The following DENND1B variants were observed in gnomAD, a reference collection of about 807,000 sequenced individuals.
DENND1B encodes the protein DENN domain-containing protein 1B.
Under a neutral mutation model 90.1 loss-of-function variants are expected in DENND1B, and 59 were observed. The observed-to-expected ratio is 0.65, with a 90% CI of 0.53 to 0.81. DENND1B has a LOEUF of 0.81. DENND1B is among the 40% of genes least tolerant of loss of function. The pLI, the probability that DENND1B is intolerant of heterozygous loss-of-function variation, is 0.00. For synonymous variants in DENND1B, 337 were observed against 324.6 expected (o/e 1.04, Z -0.41); for missense variants, 862 against 912.6 (o/e 0.94, Z 0.71).
chr1:197,620,159 C>T (rs1678023818), intron 10 of DENND1B, among the ~76,000 whole-genome samples: 1 of 151,044 alleles, frequency 6.6e-6, no homozygotes, highest in South Asian at 2.1e-4. Context: ...GATAATCCTC[C>T]ATATTCACCT....
At chr1:197,732,175 T>C (rs1285620255) in intron 2 of DENND1B, among the ~76,000 whole-genome samples, 1 of 152,162 alleles carries the variant, frequency 6.6e-6, no homozygotes, top group Non-Finnish European at 1.5e-5. Flanking sequence ...TGTAATGCCA[T>C]CCTTCTATAC....
At chr1:197,626,607 A>G (rs1294311520) in intron 10 of DENND1B, among the ~76,000 whole-genome samples, 1 of 152,126 alleles carries the variant, frequency 6.6e-6, no homozygotes, top group Non-Finnish European at 1.5e-5. Flanking sequence ...TAACATCACA[A>G]TTAAAAGAAC....
chr1:197,638,988 G>GA (rs1680038155), intron 10 of DENND1B, among the ~76,000 whole-genome samples: 1 of 151,498 alleles, frequency 6.6e-6, no homozygotes, highest in Admixed American at 6.6e-5. Context: ...TTAGAATGTT[G>GA]AAAACATAAC....
At chr1:197,726,067 C>T (rs1156492005) in intron 2 of DENND1B, among the ~76,000 whole-genome samples, 2 of 151,514 alleles carry the variant, frequency 1.3e-5, no homozygotes, top group African/African-American at 4.9e-5. Flanking sequence ...TATATATAGA[C>T]AATTTGTGGT....
chr1:197,598,902 A>T (rs1675949120), intron 13 of DENND1B, among the ~76,000 whole-genome samples: 1 of 151,848 alleles, frequency 6.6e-6, no homozygotes, highest in Non-Finnish European at 1.5e-5. Flanking sequence ...AAGTTAAACA[A>T]TGAAAAGAAA....
chr1:197,544,226 A>G (rs968232078), intron 18 of DENND1B, among the ~76,000 whole-genome samples: 1 of 152,196 alleles, frequency 6.6e-6, no homozygotes, highest in African/African-American at 2.4e-5. Flanking sequence ...ACGGTTCAGA[A>G]AAATTTTTTC....
intron 3 of DENND1B, among the ~76,000 whole-genome samples, chr1:197,679,603 A>C (rs1656447743): frequency 6.6e-6 from 1 of 150,524 alleles, no homozygotes; most frequent in Non-Finnish European, 1.5e-5. Context: ...CCATGTATTT[A>C]TGTACTTACA....
At chr1:197,677,619 T>C (rs1656227925) in intron 3 of DENND1B, among the ~76,000 whole-genome samples, 1 of 152,116 alleles carries the variant, frequency 6.6e-6, no homozygotes, top group African/African-American at 2.4e-5. Flanking sequence ...TGAAGAGGTT[T>C]TAGAATCACT....
At chr1:197,676,265 A>G (rs1323004132) in intron 3 of DENND1B, among the ~76,000 whole-genome samples, 4 of 152,092 alleles carry the variant, frequency 2.6e-5, no homozygotes, top group African/African-American at 9.7e-5. Context: ...GTGTAAAAAG[A>G]AAAGAGAGAG....
At chr1:197,735,396 G>T in intron 2 of DENND1B, 2 of 1,403,058 alleles carry the variant, frequency 1.4e-6, no homozygotes, top group Non-Finnish European at 1.9e-6. Flanking sequence ...AAAAGTCCAA[G>T]ACCTCAGAGA....
At chr1:197,597,712 C>T (rs1421399) in intron 13 of DENND1B, among the ~76,000 whole-genome samples, 45,607 of 151,524 alleles carry the variant, frequency 0.3, 7,096 homozygotes, top group Middle Eastern at 0.43. Context: ...AAATATGCAG[C>T]CTTCACTTCC....
intron 10 of DENND1B, among the ~76,000 whole-genome samples, chr1:197,617,974 T>C (rs916056116): frequency 2.0e-5 from 3 of 151,112 alleles, no homozygotes; most frequent in Non-Finnish European, 4.5e-5. Flanking sequence ...TTGGGAATCA[T>C]GTAGATAGTT....
At chr1:197,737,874 A>G (rs1273151825) in intron 2 of DENND1B, among the ~76,000 whole-genome samples, 1 of 152,198 alleles carries the variant, frequency 6.6e-6, no homozygotes, top group Non-Finnish European at 1.5e-5. Context: ...GTGTTTTCCA[A>G]TCACCTTGAG....
chr1:197,578,937 T>A (rs74392006), intron 15 of DENND1B, among the ~76,000 whole-genome samples: 1 of 152,078 alleles, frequency 6.6e-6, no homozygotes, highest in Non-Finnish European at 1.5e-5. Context: ...CTAATTTTTG[T>A]ATTTTTTGTA....
At chr1:197,703,317 AAAAG>A (rs1202459371) in intron 3 of DENND1B, among the ~76,000 whole-genome samples, 7 of 152,118 alleles carry the variant, frequency 4.6e-5, no homozygotes, top group African/African-American at 1.7e-4. Flanking sequence ...AAAAAAAGAA[AAAAG>A]AAAGAAAGAA....
chr1:197,762,466 A>G (rs138375717), intron 2 of DENND1B, among the ~76,000 whole-genome samples: 140 of 152,306 alleles, frequency 9.2e-4, no homozygotes, highest in Admixed American at 1.5e-3. Context: ...GAGGTGCTCA[A>G]TATGATGAAA....
In DENND1B at chr1:197,645,704, T is replaced by C. The variant is rs182534827; in HGVS notation, c.547A>G (p.Thr183Ala). The C allele has an allele frequency of 6.6e-5, 104 of 1,566,106 alleles. No individual in the cohort carries two copies. Among genetic ancestry groups the C allele is most frequent in the Admixed American group, 3.2e-4 (18 of 56,312 alleles). ...FIAPDVTGLP[T>A]IPESRNLTEY... ...AGGAAACTTACACTCTCGGGTATTG[T>C]TGGGAGTCCAGTTACATCAGGGGCA... The change falls in exon 9 of 23, where the codon ACA (threonine) becomes GCA (alanine). Residue 183 changes from threonine (T) to alanine (A), a missense_variant. By Grantham distance (58) the Thr-to-Ala change is moderately conservative. Transcript: ENST00000620048.
At chr1:197,638,098 C>T (rs957490800) in intron 10 of DENND1B, among the ~76,000 whole-genome samples, 23 of 152,092 alleles carry the variant, frequency 1.5e-4, no homozygotes, top group Middle Eastern at 3.2e-3. Flanking sequence ...TTCCAGAGAT[C>T]GAAAGATTTC....
intron 16 of DENND1B, among the ~76,000 whole-genome samples, chr1:197,552,066 A>G (rs1671284639): frequency 6.6e-6 from 1 of 152,150 alleles, no homozygotes; most frequent in Non-Finnish European, 1.5e-5. Flanking sequence ...ATGAATCTTA[A>G]AAATAACGTT....
Sources: gnomAD v4.1 joint callset for allele counts (sites outside exome capture counted in the v4.1 genomes callset) on GRCh38, gnomAD v4.1.1 for gene constraint, MANE v1.5 for transcripts, NCBI Gene and HGNC (gene_info 2026-07-23, HGNC 2026-07-21) for gene names.